The following DAB1 variants were observed in gnomAD, a reference collection of about 807,000 sequenced individuals.
The protein encoded by DAB1 is disabled homolog 1.
A neutral mutation model predicts 64.6 loss-of-function variants in DAB1; 15 were observed. That is an observed-to-expected ratio of 0.23 (90% CI 0.16 to 0.36). The LOEUF is 0.36. DAB1 is among the 10% of genes least tolerant of loss of function. The pLI is 1.00. For missense variants in DAB1, 596 were observed against 706.7 expected, an observed-to-expected ratio of 0.84 and a Z score of 1.78; for synonymous variants, 235 against 251.9, an observed-to-expected ratio of 0.93 and a Z score of 0.64.
chr1:57,788,251 C>T (rs1351316033), intron 6 of DAB1, among the ~76,000 whole-genome samples: 1 of 152,126 alleles, frequency 6.6e-6, no homozygotes, highest in Non-Finnish European at 1.5e-5. Context: ...TTAATAATTT[C>T]CCCAAACTGG....
intron 4 of DAB1, among the ~76,000 whole-genome samples, chr1:58,246,850 G>A (rs1032176685): frequency 6.6e-6 from 1 of 152,062 alleles, no homozygotes; most frequent in Non-Finnish European, 1.5e-5. Context: ...GTGAAGGTGT[G>A]TGTGTATGTG....
intron 3 of DAB1, among the ~76,000 whole-genome samples, chr1:58,481,380 T>A (rs1645479757): frequency 6.6e-6 from 1 of 152,142 alleles, no homozygotes; most frequent in African/African-American, 2.4e-5. Flanking sequence ...CAAATAGTAT[T>A]ATTTTAAAAA....
At chr1:57,172,959 T>C (rs1305266330) in intron 2 of DAB1, among the ~76,000 whole-genome samples, 1 of 152,190 alleles carries the variant, frequency 6.6e-6, no homozygotes, top group Non-Finnish European at 1.5e-5. Flanking sequence ...TACATACTGC[T>C]AACCTGAACT....
chr1:57,160,614 T>C (rs1160951061), intron 2 of DAB1, among the ~76,000 whole-genome samples: 2 of 152,152 alleles, frequency 1.3e-5, no homozygotes, highest in Non-Finnish European at 2.9e-5. Flanking sequence ...GGCTGAATGA[T>C]GCACATGAAA....
intron 9 of DAB1, among the ~76,000 whole-genome samples, chr1:57,039,664 C>T (rs1647476118): frequency 6.6e-6 from 1 of 152,128 alleles, no homozygotes; most frequent in African/African-American, 2.4e-5. Context: ...TCCCTTATAC[C>T]TATTTTAGAA....
At chr1:58,416,436 TC>T (rs113035568) in intron 3 of DAB1, among the ~76,000 whole-genome samples, 14 of 152,260 alleles carry the variant, frequency 9.2e-5, no homozygotes, top group African/African-American at 2.9e-4. Context: ...GTTGGAAGGC[TC>T]CCATGAGATA....
At chr1:57,137,041 T>A (rs1164988951) in intron 3 of DAB1, among the ~76,000 whole-genome samples, 1 of 152,164 alleles carries the variant, frequency 6.6e-6, no homozygotes, top group African/African-American at 2.4e-5. Context: ...TATTCCTACA[T>A]ATAATTTTAT....
At chr1:57,455,821 A>G (rs1686569868) in intron 7 of DAB1, among the ~76,000 whole-genome samples, 1 of 152,148 alleles carries the variant, frequency 6.6e-6, no homozygotes, top group Non-Finnish European at 1.5e-5. Context: ...CCAGGGCCAC[A>G]GAACTTAGAG....
Position 57,746,886 on chromosome 1 carries a change from C to T in DAB1, n.552-97221G>A, listed in dbSNP as rs17116254. Among the ~76,000 whole-genome samples the T allele has an allele frequency of 0.012, 1,802 of 151,562 alleles. 122 individuals are homozygous for T. In the East Asian group the frequency reaches 0.2, roughly 17 times the overall value. On this transcript the variant is annotated intron_variant and non_coding_transcript_variant, in intron 6 of 20. Coordinates refer to the DAB1 transcript ENST00000485760. ...AATACCATTTTTTTTTTGTCTTTTA[C>T]GTACTGATTTAATGTTTCTCTGTGT...
chr1:58,284,786 T>C (rs968153683), intron 4 of DAB1, among the ~76,000 whole-genome samples: 2 of 152,214 alleles, frequency 1.3e-5, no homozygotes, highest in Non-Finnish European at 2.9e-5. Context: ...GTCTCATCAC[T>C]GGAAAGGAAA....
At chr1:57,959,656 A>C (rs1645470949) in intron 5 of DAB1, among the ~76,000 whole-genome samples, 2 of 152,202 alleles carry the variant, frequency 1.3e-5, no homozygotes, top group African/African-American at 2.4e-5. Flanking sequence ...TTAAGCTCAC[A>C]TACTGAGCAT....
At chr1:58,035,127 G>A (rs1157777988) in intron 5 of DAB1, among the ~76,000 whole-genome samples, 1 of 152,174 alleles carries the variant, frequency 6.6e-6, no homozygotes, top group Non-Finnish European at 1.5e-5. Context: ...GCTGCTGGAG[G>A]TGAGATACTA....
At chr1:58,075,754 CCT>C (rs1466240854) in intron 5 of DAB1, among the ~76,000 whole-genome samples, 2 of 152,146 alleles carry the variant, frequency 1.3e-5, no homozygotes, top group African/African-American at 4.8e-5. Context: ...ACTCTCTCTC[CCT>C]CTCCTGTATT....
chr1:58,168,744 A>G (rs1196907520), intron 4 of DAB1, among the ~76,000 whole-genome samples: 1 of 152,130 alleles, frequency 6.6e-6, no homozygotes, highest in African/African-American at 2.4e-5. Context: ...TGAGGACAAA[A>G]GGTGTCACTC....
intron 3 of DAB1, among the ~76,000 whole-genome samples, chr1:58,431,817 G>A (rs1296759193): frequency 1.3e-5 from 2 of 151,838 alleles, no homozygotes; most frequent in African/African-American, 2.4e-5. Context: ...CATGGGCTCT[G>A]CACACAGAGG....
chr1:57,426,094 A>C (rs1685274713), upstream of DAB1, among the ~76,000 whole-genome samples: 1 of 152,188 alleles, frequency 6.6e-6, no homozygotes, highest in Non-Finnish European at 1.5e-5. Context: ...GAAGTTTCTC[A>C]ATGCTTTGAG....
intron 5 of DAB1, among the ~76,000 whole-genome samples, chr1:57,896,566 C>G (rs1644395024): frequency 6.6e-6 from 1 of 152,044 alleles, no homozygotes; most frequent in Non-Finnish European, 1.5e-5. Context: ...TGGTAAGGGA[C>G]CAGTCTCTGA....
intron 2 of DAB1, among the ~76,000 whole-genome samples, chr1:57,259,119 C>T (rs369382862): frequency 6.6e-6 from 1 of 152,196 alleles, no homozygotes; most frequent in Admixed American, 6.5e-5. Context: ...GAAATATAAA[C>T]CACAGTCACA....
chr1:58,002,351 T>A (rs1646518948), intron 5 of DAB1, among the ~76,000 whole-genome samples: 1 of 152,196 alleles, frequency 6.6e-6, no homozygotes, highest in Admixed American at 6.5e-5. Flanking sequence ...TTTAAACTAG[T>A]GAGTATTTAG....
Sources: allele counts gnomAD v4.1 joint callset (sites outside exome capture counted in the v4.1 genomes callset), GRCh38; gene constraint gnomAD v4.1.1; transcripts MANE v1.5; gene names NCBI Gene and HGNC (gene_info 2026-07-23, HGNC 2026-07-21).